The following ZFR2 variants were observed in gnomAD, a reference collection of about 807,000 sequenced individuals.
ZFR2 encodes zinc finger RNA binding protein 2.
ZFR2 carries 104 observed loss-of-function variants against 105.7 expected under a neutral mutation model. The ratio of observed to expected loss-of-function variants is 0.98; its 90% CI spans 0.84 to 1.16. The LOEUF (loss-of-function observed/expected upper bound fraction) is 1.16. Ranked by LOEUF, ZFR2 falls within the 50% of genes most tolerant of loss-of-function variation. The pLI, the probability that ZFR2 is intolerant of heterozygous loss-of-function variation, is 0.00. For missense variants in ZFR2, 1,425 were observed against 1,355.5 expected (o/e 1.05, Z -0.80); for synonymous variants, 634 against 597.7 (o/e 1.06, Z -0.89).
chr19:3,806,312 G>A (rs914501205), intron 18 of ZFR2, among the ~76,000 whole-genome samples, 187 bp from the exon 19 acceptor site: 4 of 152,332 alleles, frequency 2.6e-5, no homozygotes, highest in East Asian at 3.9e-4. Context: ...ACCCAGGCTG[G>A]AGTGCAGTGG....
chr19:3,811,604 GCCA>G lies in ZFR2; in HGVS notation c.2243-241_2243-239del, dbSNP rs562734092. On this transcript the variant is annotated intron_variant, in intron 14 of 18. Transcript: ENST00000262961. Reference sequence around the variant, plus strand: ...CAAGTAGCTGGGATTACAGGTGCCCGCCACCACATCTGGCTAATTTTTGTATTT... The same window carrying G: ...CAAGTAGCTGGGATTACAGGTGCCCGCCACATCTGGCTAATTTTTGTATTT... Among the ~76,000 whole-genome samples, 892 of 151,010 alleles carry G rather than the reference GCCA, an allele frequency of 5.9e-3. 6 individuals carry two copies. Among genetic ancestry groups the G allele is most frequent in the African/African-American group, 0.021 (847 of 40,996 alleles).
intron 1 of ZFR2, among the ~76,000 whole-genome samples, chr19:3,863,387 C>T (rs925896542): frequency 1.3e-5 from 2 of 152,070 alleles, no homozygotes; most frequent in African/African-American, 2.4e-5. Context: ...GACACGGGGC[C>T]ATGTGCTGTC....
At chr19:3,830,804 A>G (rs1376099918) in intron 5 of ZFR2, among the ~76,000 whole-genome samples, 3 of 152,188 alleles carry the variant, frequency 2.0e-5, no homozygotes, top group Non-Finnish European at 4.4e-5. Flanking sequence ...CAGCTGGGTG[A>G]TTTGCAAGCT....
At chr19:3,854,548 T>A (rs1011521219) in intron 1 of ZFR2, among the ~76,000 whole-genome samples, 1 of 152,088 alleles carries the variant, frequency 6.6e-6, no homozygotes, top group Non-Finnish European at 1.5e-5. Flanking sequence ...AGTCGATTAT[T>A]CCAAACATGG....
chr19:3,864,071 T>G (rs1418424744), intron 1 of ZFR2, among the ~76,000 whole-genome samples: 1 of 152,002 alleles, frequency 6.6e-6, no homozygotes, highest in African/African-American at 2.4e-5. Context: ...GGGAAGGAGC[T>G]CAGCTTATAA....
At position 3,819,221 on chromosome 19, in the gene ZFR2, C is replaced by T. The variant is rs763091131; in HGVS notation, c.1755G>A (p.Pro585=). Residue 585 remains proline, a synonymous_variant, in exon 12 of 19, where the codon CCG becomes CCA. Coordinates refer to ENST00000262961, the MANE Select transcript of ZFR2 (RefSeq NM_015174.2). Reference sequence around the variant, plus strand: ...TGACGTGCCGGTCGTCGCTGGACGCCGGCCGCCGCCCGGGCTGTGGGGAGA... The same window carrying T: ...TGACGTGCCGGTCGTCGCTGGACGCTGGCCGCCGCCCGGGCTGTGGGGAGA... The part of the protein sequence containing the change: ...ASAPLQPGRR[P]ASSDDRHVMC... 28 of 1,547,324 alleles carry T rather than the reference C, an allele frequency of 1.8e-5. No homozygotes were observed. The highest frequency in any genetic ancestry group is 3.9e-5 in the Admixed American group (2 of 51,536).
chr19:3,812,419 G>A (rs533866303), intron 14 of ZFR2, among the ~76,000 whole-genome samples: 101 of 152,234 alleles, frequency 6.6e-4, no homozygotes, highest in Non-Finnish European at 1.4e-3. Flanking sequence ...CCACCACGCT[G>A]GGCCTGGGGA....
rs1473807335 is a variant in ZFR2 at position 3,813,331 on chromosome 19, G to A, written c.2242+489C>T. On this transcript the variant is annotated intron_variant, in intron 14 of 18. Coordinates refer to ENST00000262961, the MANE Select transcript of ZFR2 (RefSeq NM_015174.2). The surrounding 1 kb of genome is among the most constrained non-coding windows in gnomAD (Gnocchi z 4.4). ...ACCCTCGCTGCCCCTAGCCTGGCCC[G>A]GCCCCTCACCCACCCTCCCAGGCCT... Among the ~76,000 whole-genome samples the A allele has an allele frequency of 2.6e-5, 4 of 152,166 alleles. No individual in the cohort carries two copies. Among genetic ancestry groups the A allele is most frequent in the South Asian group, 2.1e-4 (1 of 4,808 alleles).
At chr19:3,826,252 G>C (rs892896778) in intron 6 of ZFR2, among the ~76,000 whole-genome samples, 1 of 151,978 alleles carries the variant, frequency 6.6e-6, no homozygotes, top group African/African-American at 2.4e-5. Context: ...GTCCTGAGCC[G>C]AGCCAGGGAA....
chr19:3,833,919 G>A (rs917715267), intron 2 of ZFR2, 141 bp from the exon 3 acceptor site: 91 of 635,862 alleles, frequency 1.4e-4, no homozygotes, highest in Non-Finnish European at 2.2e-4. Context: ...CCAGGACCAG[G>A]CCCTGGCCCG....
intron 1 of ZFR2, among the ~76,000 whole-genome samples, chr19:3,857,531 C>CA (rs11289351): frequency 1.3e-3 from 152 of 118,678 alleles, no homozygotes; most frequent in South Asian, 2.0e-3. Context: ...ATGGTGTATA[C>CA]AAAAAAAAAA....
In ZFR2 at chr19:3,869,010, G is replaced by A. The variant is rs1181971866; in HGVS notation, c.8C>T (p.Thr3Met). 12 of 1,369,096 alleles carry A rather than the reference G, an allele frequency of 8.8e-6. No individual in the cohort carries two copies. The highest frequency in any genetic ancestry group is 1.5e-5 in the African/African-American group (1 of 66,194). The allele number at this position is 1,369,096 out of a possible 1,614,324, so 84.8% of individuals were successfully genotyped here. A position where few individuals can be genotyped will look rare whatever the true frequency, so the allele number is the denominator to read the frequency against. The change falls in exon 1 of 19, where the codon ACG becomes ATG. Residue 3 changes from threonine (T) to methionine (M), a missense_variant. Physicochemically the swap from Thr to Met is moderately conservative, Grantham distance 81 (BLOSUM62 -1). Coordinates refer to ENST00000262961, the MANE Select transcript of ZFR2 (RefSeq NM_015174.2). ...CTGCGCGAAGTCGAAATACTGACTC[G>A]TCGCCATCTTGGCGTCTTCCCCGAG... MATSQYFDFAQGG... is the reference protein window; with the variant it reads MAMSQYFDFAQGG...
chr19:3,812,942 A>G (rs1259806246), intron 14 of ZFR2, among the ~76,000 whole-genome samples: 5 of 152,062 alleles, frequency 3.3e-5, no homozygotes, highest in African/African-American at 1.2e-4. Flanking sequence ...TTAACTGGGT[A>G]TAGTGGCGCA....
intron 1 of ZFR2, among the ~76,000 whole-genome samples, chr19:3,839,842 G>A (rs2145170115): frequency 6.6e-6 from 1 of 152,168 alleles, no homozygotes; most frequent in East Asian, 1.9e-4. Flanking sequence ...AACTACATAT[G>A]TATGAAGGTT....
chr19:3,819,720 C>A (rs34678131), intron 11 of ZFR2, among the ~76,000 whole-genome samples: 60,135 of 151,782 alleles, frequency 0.4, 11,961 homozygotes, highest in East Asian at 0.45. Context: ...GGCGTGGTGG[C>A]GGGCGCCCAT....
intron 5 of ZFR2, among the ~76,000 whole-genome samples, chr19:3,828,758 C>T (rs879603315): frequency 6.6e-6 from 1 of 152,172 alleles, no homozygotes; most frequent in Non-Finnish European, 1.5e-5. Context: ...AACCAACACG[C>T]CCTGACAATG....
At chr19:3,868,849 G>T (rs2038465655) in intron 1 of ZFR2, 116 bp downstream of exon 1, 44 of 905,718 alleles carry the variant, frequency 4.9e-5, no homozygotes, top group Non-Finnish European at 6.3e-5. Context: ...GGGGTTCCAG[G>T]TTGGGGCTGG....
At position 3,825,355 on chromosome 19, in the gene ZFR2, G is replaced by T; in HGVS notation, c.1088C>A (p.Ala363Glu). The change falls in exon 7 of 19, where the codon GCA becomes GAA. Residue 363 changes from alanine to glutamate, a missense_variant. Transcript: ENST00000262961. The part of the protein sequence containing the change: ...LGKPIPTLEP[A>E]LATESPPGAE... ...CCCGGGGGGGCTCTCTGTGGCCAGT[G>T]CAGGCTCGAGGGTGGGAATGGGCTT... 6.3e-7 allele frequency: 1 copy of T among 1,591,994 alleles called. No homozygotes were observed. The highest frequency in any genetic ancestry group is 8.5e-7 in the Non-Finnish European group (1 of 1,171,524).
Position 3,810,781 on chromosome 19 carries a change from C to A in ZFR2, c.2402G>T (p.Arg801Leu), listed in dbSNP as rs552322198. 16 of 1,549,974 alleles carry A rather than the reference C, an allele frequency of 1.0e-5. No homozygotes were observed. The highest frequency in any genetic ancestry group is 1.4e-5 in the Non-Finnish European group (16 of 1,146,688). ...TGGCAGGGCCCCCCAGGTGGGCACA[C>A]GCCGGCAGAGGTCCCTCAGGACCCT... ...VIRVLRDLCR[R>L]VPTWGALPAW... The change falls in exon 16 of 19, where the codon CGT becomes CTT. Residue 801 changes from arginine to leucine, a missense_variant. Arg to Leu is a moderately radical substitution (Grantham distance 102). Coordinates refer to ENST00000262961, the MANE Select transcript of ZFR2 (RefSeq NM_015174.2).
Sources: gnomAD v4.1 joint callset for allele counts (sites outside exome capture counted in the v4.1 genomes callset) on GRCh38, gnomAD v4.1.1 for gene constraint, Gnocchi (gnomAD v3.1) non-coding constraint, MANE v1.5 for transcripts, NCBI Gene and HGNC (gene_info 2026-07-23, HGNC 2026-07-21) for gene names.